Variants in EYS observed in about 807,000 individuals in gnomAD.
EYS encodes protein eyes shut homolog.
A neutral mutation model predicts 282.1 loss-of-function variants in EYS; 250 were observed. The ratio of observed to expected loss-of-function variants is 0.89; its 90% CI spans 0.80 to 0.98. The LOEUF (loss-of-function observed/expected upper bound fraction) is 0.98, where lower values mean the gene tolerates loss of function less well. Among genes scored for constraint, EYS ranks in the 50% least tolerant of loss-of-function variants. EYS has a pLI of 0.00. For missense variants in EYS, 4,016 were observed against 3,709.0 expected, an observed-to-expected ratio of 1.08 and a Z score of -2.15; for synonymous variants, 1,355 against 1,282.9, an observed-to-expected ratio of 1.06 and a Z score of -1.20.
intron 10 of EYS, 104 bp downstream of exon 10, chr6:65,343,934 T>C (rs2150319722): frequency 2.1e-6 from 2 of 966,762 alleles, no homozygotes; most frequent in South Asian, 2.7e-5. Flanking sequence ...CTATATATTT[T>C]GAATATTTAA....
At chr6:65,594,567 T>C (rs354365) in intron 2 of EYS, among the ~76,000 whole-genome samples, 74,051 of 151,792 alleles carry the variant, frequency 0.49, 18,291 homozygotes, top group East Asian at 0.65. Flanking sequence ...AAAATATCAG[T>C]TTATCAGATG....
At chr6:64,111,386 G>T (rs374838385) in intron 31 of EYS, among the ~76,000 whole-genome samples, 19 of 152,144 alleles carry the variant, frequency 1.2e-4, no homozygotes, top group African/African-American at 4.6e-4. Context: ...AGTCGAGCAC[G>T]GATGGAAGAA....
At chr6:64,492,622 T>G (rs1323398722) in intron 26 of EYS, among the ~76,000 whole-genome samples, 1 of 151,370 alleles carries the variant, frequency 6.6e-6, no homozygotes, top group East Asian at 1.9e-4. Context: ...AAATATTAGT[T>G]TGAAGAATAT....
chr6:63,976,229 C>T (rs1192548644), intron 35 of EYS, among the ~76,000 whole-genome samples: 3 of 152,014 alleles, frequency 2.0e-5, no homozygotes, highest in Admixed American at 6.6e-5. Flanking sequence ...CGTATATTAC[C>T]GTAGACTTTA....
chr6:65,070,475 A>G (rs1773871180), intron 12 of EYS, among the ~76,000 whole-genome samples: 1 of 151,590 alleles, frequency 6.6e-6, no homozygotes, highest in South Asian at 2.1e-4. Context: ...CCTTCTCTCA[A>G]TCTCCTACAA....
chr6:65,140,463 T>TA (rs1378460686), intron 12 of EYS, among the ~76,000 whole-genome samples: 1 of 151,932 alleles, frequency 6.6e-6, no homozygotes, highest in Non-Finnish European at 1.5e-5. Context: ...GGGGGAAGTT[T>TA]AAAAAGTATT....
intron 31 of EYS, among the ~76,000 whole-genome samples, chr6:64,112,638 A>G (rs1201653061): frequency 6.6e-6 from 1 of 151,590 alleles, no homozygotes; most frequent in African/African-American, 2.4e-5. Flanking sequence ...TTTCTATCAC[A>G]TGAAACAAGT....
At chr6:64,944,638 C>A (rs1385122738) in intron 15 of EYS, among the ~76,000 whole-genome samples, 2 of 152,030 alleles carry the variant, frequency 1.3e-5, no homozygotes, top group African/African-American at 4.8e-5. Flanking sequence ...GCCCAACACC[C>A]TTAAAGGGTC....
At chr6:64,420,189 T>G (rs752504328) in intron 28 of EYS, among the ~76,000 whole-genome samples, 1 of 151,982 alleles carries the variant, frequency 6.6e-6, no homozygotes, top group Non-Finnish European at 1.5e-5. Flanking sequence ...ACCTGGGGCT[T>G]ACACCCTCTG....
intron 28 of EYS, among the ~76,000 whole-genome samples, chr6:64,419,218 C>T (rs76164097): frequency 0.28 from 42,119 of 151,950 alleles, 5,966 homozygotes; most frequent in East Asian, 0.46. Context: ...AAAAGTTTAA[C>T]TGACTCACAG....
intron 29 of EYS, among the ~76,000 whole-genome samples, chr6:64,314,910 A>G (rs1412793823): frequency 6.6e-6 from 1 of 152,172 alleles, no homozygotes; most frequent in African/African-American, 2.4e-5. Context: ...AGAAGACAAG[A>G]AATAACTAAG....
intron 19 of EYS, among the ~76,000 whole-genome samples, chr6:64,848,868 T>C (rs185511437): frequency 6.6e-6 from 1 of 152,264 alleles, no homozygotes; most frequent in East Asian, 1.9e-4. Flanking sequence ...AGGCAATTTA[T>C]TCAATGTTAT....
intron 19 of EYS, among the ~76,000 whole-genome samples, chr6:64,872,733 T>C (rs1376384265): frequency 6.6e-6 from 1 of 152,038 alleles, no homozygotes; most frequent in Non-Finnish European, 1.5e-5. Flanking sequence ...ACAGGAAAGC[T>C]AGATTATCTT....
chr6:65,012,357 T>C (rs1246488213), intron 13 of EYS, among the ~76,000 whole-genome samples: 4 of 152,204 alleles, frequency 2.6e-5, no homozygotes, highest in Admixed American at 2.6e-4. Flanking sequence ...AATATTTACA[T>C]GTTACCTATT....
chr6:64,712,068 G>A lies in EYS; in HGVS notation c.3444-85823C>T, dbSNP rs114875472. On this transcript the variant is annotated intron_variant, in intron 22 of 42. Coordinates refer to ENST00000503581, the MANE Select transcript of EYS (RefSeq NM_001142800.2). The stretch of plus-strand genomic sequence containing the variant: ...GTCCAAGGATTTAACTCGTAACTTG[G>A]CTTTCAGGCTTTAAGGTGCCTTCAG... Among the ~76,000 whole-genome samples the A allele has an allele frequency of 7.3e-3, 1,106 of 152,310 alleles. 21 individuals carry two copies. The highest frequency in any genetic ancestry group is 0.025 in the African/African-American group (1,044 of 41,574).
chr6:64,438,065 T>C (rs1774811854), intron 27 of EYS, among the ~76,000 whole-genome samples: 1 of 151,690 alleles, frequency 6.6e-6, no homozygotes, highest in African/African-American at 2.4e-5. Flanking sequence ...AGAGCAGGGA[T>C]ATGAGAAAAT....
intron 36 of EYS, among the ~76,000 whole-genome samples, chr6:63,860,669 G>A (rs540419396): frequency 1.1e-4 from 16 of 152,162 alleles, no homozygotes; most frequent in African/African-American, 3.9e-4. Flanking sequence ...CCTATTTCCT[G>A]GAATCATTTC....
At chr6:64,346,563 G>A (rs962074045) in intron 29 of EYS, among the ~76,000 whole-genome samples, 2 of 151,554 alleles carry the variant, frequency 1.3e-5, no homozygotes, top group Non-Finnish European at 2.9e-5. Context: ...GGGGTGGGGG[G>A]AGTGGGGAGG....
intron 35 of EYS, among the ~76,000 whole-genome samples, chr6:63,865,168 C>G (rs1772642599): frequency 6.6e-6 from 1 of 152,200 alleles, no homozygotes. Flanking sequence ...AACTGGCCAA[C>G]CTCTGCTAGA....
Sources: gnomAD v4.1 joint callset for allele counts (sites outside exome capture counted in the v4.1 genomes callset) on GRCh38, gnomAD v4.1.1 for gene constraint, MANE v1.5 for transcripts, NCBI Gene and HGNC (gene_info 2026-07-23, HGNC 2026-07-21) for gene names.